Variants in DNAJC1 observed in about 807,000 individuals in gnomAD.
DNAJC1 encodes dnaJ homolog subfamily C member 1.
Under a neutral mutation model 76.6 loss-of-function variants are expected in DNAJC1, and 58 were observed. The ratio of observed to expected loss-of-function variants is 0.76; its 90% CI spans 0.61 to 0.94. The LOEUF (loss-of-function observed/expected upper bound fraction) is 0.94. DNAJC1 is among the 40% of genes least tolerant of loss of function. DNAJC1 has a pLI of 0.00. For missense variants in DNAJC1, 689 were observed against 677.3 expected, an observed-to-expected ratio of 1.02 and a Z score of -0.19; for synonymous variants, 258 against 267.9, an observed-to-expected ratio of 0.96 and a Z score of 0.36.
In DNAJC1 at chr10:21,904,546, T is replaced by C; in HGVS notation, c.796A>G (p.Arg266Gly). The change falls in exon 7 of 12, where the codon AGA becomes GGA. Residue 266 changes from arginine to glycine, a missense_variant. Arg to Gly is a moderately radical substitution (Grantham distance 125). Coordinates refer to ENST00000376980, the MANE Select transcript of DNAJC1 (RefSeq NM_022365.4). Reference protein sequence around the residue: ...RLKEKEDALTRTELETLQKQK... With the variant: ...RLKEKEDALTGTELETLQKQK... ...CTTTGAAGTGTTTCAAGTTCAGTTC[T>C]AGTCAGTGCATCTTCCTTTTCCTTC... 9 of 1,603,498 alleles carry C rather than the reference T, an allele frequency of 5.6e-6. No individual in the cohort carries two copies. Among genetic ancestry groups the C allele is most frequent in the Non-Finnish European group, 7.7e-6 (9 of 1,175,344 alleles).
chr10:21,973,991 A>C (rs2131830801), intron 1 of DNAJC1, among the ~76,000 whole-genome samples: 1 of 151,706 alleles, frequency 6.6e-6, no homozygotes, highest in Admixed American at 6.6e-5. Context: ...AATCCCAGCT[A>C]CTTGGGAGGC....
chr10:21,779,231 A>G (rs954543479), intron 9 of DNAJC1, among the ~76,000 whole-genome samples: 1 of 152,204 alleles, frequency 6.6e-6, no homozygotes, highest in Non-Finnish European at 1.5e-5. Context: ...CCTGTGTGAC[A>G]GCTTTGAAGA....
chr10:21,794,028 A>G (rs1834723681), intron 9 of DNAJC1, among the ~76,000 whole-genome samples: 1 of 152,160 alleles, frequency 6.6e-6, no homozygotes, highest in African/African-American at 2.4e-5. Context: ...TAATCCCAAC[A>G]CTTTGGGAGG....
chr10:21,923,382 C>G (rs889795903), intron 3 of DNAJC1, among the ~76,000 whole-genome samples: 1 of 151,980 alleles, frequency 6.6e-6, no homozygotes, highest in East Asian at 1.9e-4. Flanking sequence ...CACACAGACA[C>G]TTTTCATAAG....
chr10:21,833,273 C>T (rs1835391194), intron 8 of DNAJC1, among the ~76,000 whole-genome samples: 1 of 152,002 alleles, frequency 6.6e-6, no homozygotes, highest in Admixed American at 6.6e-5. Flanking sequence ...AGTTTGAGAC[C>T]AGCCTGGCCA....
chr10:21,872,411 A>G (rs1011673592), intron 8 of DNAJC1, among the ~76,000 whole-genome samples: 2 of 152,184 alleles, frequency 1.3e-5, no homozygotes, highest in African/African-American at 4.8e-5. Flanking sequence ...AAAGGAAGCC[A>G]TGTCTAAAGA....
intron 6 of DNAJC1, among the ~76,000 whole-genome samples, chr10:21,918,290 C>A (rs1836986463): frequency 6.7e-6 from 1 of 149,942 alleles, no homozygotes; most frequent in Non-Finnish European, 1.5e-5. Context: ...CTGTATAAGA[C>A]AAAATGTCCT....
chr10:21,962,318 C>G (rs916800649), intron 1 of DNAJC1, among the ~76,000 whole-genome samples: 1 of 151,578 alleles, frequency 6.6e-6, no homozygotes, highest in Non-Finnish European at 1.5e-5. Flanking sequence ...ATTCAAAATT[C>G]CAACATAAGA....
Position 21,976,181 on chromosome 10 carries a change from T to C in DNAJC1, c.222+27032A>G, listed in dbSNP as rs754290864. Among the ~76,000 whole-genome samples, 91 of 152,218 alleles carry C rather than the reference T, an allele frequency of 6.0e-4. 2 individuals carry two copies. Among genetic ancestry groups the C allele is most frequent in the Admixed American group, 5.9e-4 (9 of 15,282 alleles). On this transcript the variant is annotated intron_variant, in intron 1 of 11. Coordinates refer to ENST00000376980, the MANE Select transcript of DNAJC1 (RefSeq NM_022365.4). ...TTGCTGGAAACTGTATTCATCTTCC[T>C]GATTCCAAAATACAGTCATGTATCT...
In DNAJC1 at chr10:21,842,730, G is replaced by T. The variant is rs35923701; in HGVS notation, c.979-36631C>A. Among the ~76,000 whole-genome samples, 1,132 of 152,310 alleles carry T rather than the reference G, an allele frequency of 7.4e-3. 6 individuals carry two copies. The highest frequency in any genetic ancestry group is 0.013 in the Non-Finnish European group (851 of 68,022). ...CAGAGGATGACGGAGTACAGTTTGT[G>T]AGAAAATTCCACCTCTGCCTTCCCA... On this transcript the variant is annotated intron_variant, in intron 8 of 11. Transcript: ENST00000376980.
At chr10:21,779,504 G>A (rs1219579456) in intron 9 of DNAJC1, among the ~76,000 whole-genome samples, 2 of 152,220 alleles carry the variant, frequency 1.3e-5, no homozygotes, top group East Asian at 3.8e-4. Context: ...TGGACCTCCA[G>A]CAAACTCCAG....
intron 9 of DNAJC1, among the ~76,000 whole-genome samples, chr10:21,786,634 A>G (rs1834615118): frequency 6.6e-6 from 1 of 151,630 alleles, no homozygotes; most frequent in Non-Finnish European, 1.5e-5. Flanking sequence ...GCGCCACCAC[A>G]CCGGCTAATT....
intron 8 of DNAJC1, among the ~76,000 whole-genome samples, chr10:21,842,780 A>G (rs1228161456): frequency 3.3e-5 from 5 of 152,216 alleles, no homozygotes; most frequent in African/African-American, 1.2e-4. Context: ...CTCTAATAAA[A>G]TTAATAGTCT....
intron 1 of DNAJC1, among the ~76,000 whole-genome samples, chr10:21,963,283 G>C (rs57514919): frequency 0.033 from 5,073 of 152,166 alleles, 143 homozygotes; most frequent in African/African-American, 0.063. Flanking sequence ...AACTTACCAA[G>C]GTTTTCACCA....
At chr10:21,826,348 G>C (rs894804582) in intron 8 of DNAJC1, among the ~76,000 whole-genome samples, 2 of 151,380 alleles carry the variant, frequency 1.3e-5, no homozygotes, top group Admixed American at 1.3e-4. Flanking sequence ...TAGAGATAGA[G>C]TCTCACTATG....
At chr10:21,854,778 T>G (rs1408956434) in intron 8 of DNAJC1, among the ~76,000 whole-genome samples, 1 of 152,152 alleles carries the variant, frequency 6.6e-6, no homozygotes, top group Non-Finnish European at 1.5e-5. Context: ...AAGACCTACT[T>G]TAAAGACTTA....
intron 1 of DNAJC1, among the ~76,000 whole-genome samples, chr10:21,945,662 T>C (rs1002922687): frequency 5.9e-5 from 9 of 152,192 alleles, no homozygotes; most frequent in Non-Finnish European, 1.0e-4. Flanking sequence ...CTTGGCCATA[T>C]ATAAAATGTC....
chr10:21,956,669 A>G (rs1837689186), intron 1 of DNAJC1, among the ~76,000 whole-genome samples: 2 of 151,474 alleles, frequency 1.3e-5, no homozygotes, highest in Non-Finnish European at 2.9e-5. Context: ...CCAAGCCACT[A>G]TAATTTTTTG....
chr10:21,907,644 G>A (rs548511023), intron 6 of DNAJC1, among the ~76,000 whole-genome samples: 9 of 152,114 alleles, frequency 5.9e-5, no homozygotes, highest in African/African-American at 1.9e-4. Flanking sequence ...GTAAACTACT[G>A]CATATGATTC....
Sources: gnomAD v4.1 joint callset for allele counts (sites outside exome capture counted in the v4.1 genomes callset) on GRCh38, gnomAD v4.1.1 for gene constraint, MANE v1.5 for transcripts, NCBI Gene and HGNC (gene_info 2026-07-23, HGNC 2026-07-21) for gene names.